Variants in TMEM33 observed in about 807,000 individuals in gnomAD.
TMEM33 encodes transmembrane protein 33.
A neutral mutation model predicts 29.7 loss-of-function variants in TMEM33; 16 were observed. The observed-to-expected ratio is 0.54, with a 90% CI of 0.36 to 0.82. The LOEUF is 0.82. Among genes scored for constraint, TMEM33 ranks in the 40% least tolerant of loss-of-function variants. TMEM33 has a pLI of 0.00. For missense variants in TMEM33, 252 were observed against 295.3 expected (o/e 0.85, Z 1.08); for synonymous variants, 112 against 109.4 (o/e 1.02, Z -0.15).
At chr4:41,949,492 G>A (rs935814018) in intron 6 of TMEM33, 107 bp downstream of exon 6, 132 of 873,954 alleles carry the variant, frequency 1.5e-4, no homozygotes, top group Non-Finnish European at 2.1e-4. Flanking sequence ...GACTTTAGAA[G>A]CAAGCAGTGT....
chr4:41,951,257 G>T (rs1341747858), intron 6 of TMEM33, among the ~76,000 whole-genome samples: 1 of 152,032 alleles, frequency 6.6e-6, no homozygotes, highest in Non-Finnish European at 1.5e-5. Flanking sequence ...TTAGAACTTG[G>T]TTCCTTTTGA....
In TMEM33 at chr4:41,949,373, A is replaced by G; in HGVS notation, c.602A>G (p.Asn201Ser). 2 of 1,609,496 alleles carry G rather than the reference A, an allele frequency of 1.2e-6. No homozygotes were observed. The highest frequency in any genetic ancestry group is 1.7e-6 in the Non-Finnish European group (2 of 1,178,230). Reference sequence around the variant, plus strand: ...ACCCTTCGATATTCGTCTCGAAGAAACCCATATTGTCGGTAAGCTGATGAT... The same window carrying G: ...ACCCTTCGATATTCGTCTCGAAGAAGCCCATATTGTCGGTAAGCTGATGAT... ...FLTLRYSSRR[N>S]PYCRTLFNEL... The change falls in exon 6 of 7, where the codon AAC (asparagine) becomes AGC (serine). Residue 201 changes from asparagine to serine, a missense_variant. By Grantham distance (46) the Asn-to-Ser change is conservative (BLOSUM62 1). Transcript: ENST00000504986.
At chr4:41,937,621 A>C (rs1350134376) in intron 1 of TMEM33, among the ~76,000 whole-genome samples, 2 of 152,218 alleles carry the variant, frequency 1.3e-5, no homozygotes, top group Non-Finnish European at 2.9e-5. Context: ...AATTAAATAG[A>C]AAATGTCAAA....
rs777858612 is a variant in TMEM33, at chr4:41,943,733, A to G, written c.329-14A>G. On this transcript the variant is annotated splice_polypyrimidine_tract_variant and intron_variant, in intron 3 of 6. Coordinates refer to ENST00000504986, the MANE Select transcript of TMEM33 (RefSeq NM_018126.3). ...TGATGACTTTTAAATGTTTTCCTTA[A>G]TTGTTTTCTTTAGTGAGTATCTTCC... 1.5e-5 allele frequency: 24 copies of G among 1,612,452 alleles called. No individual in the cohort carries two copies. The highest frequency in any genetic ancestry group is 2.7e-5 in the African/African-American group (2 of 74,858).
intron 1 of TMEM33, among the ~76,000 whole-genome samples, chr4:41,937,552 G>A (rs962936694): frequency 5.3e-5 from 8 of 151,892 alleles, no homozygotes; most frequent in South Asian, 2.1e-4. Flanking sequence ...TTAGACTTCA[G>A]GTAGACCCAT....
Position 41,954,980 on chromosome 4 carries a change from A to G in TMEM33, c.*781A>G, listed in dbSNP as rs1169459366. The G allele has an allele frequency of 1.3e-5, 2 of 152,642 alleles. No individual in the cohort carries two copies. The highest frequency in any genetic ancestry group is 2.9e-5 in the Non-Finnish European group (2 of 68,038). 9.5% of individuals were successfully genotyped at this position (152,642 alleles called of 1,614,324 possible). On this transcript the variant is annotated 3_prime_UTR_variant, in exon 7 of 7. Coordinates refer to ENST00000504986, the MANE Select transcript of TMEM33 (RefSeq NM_018126.3). ...CCTTCTTTTACTAATGTGGACATAT[A>G]GATTATTCGTATTATAGTTTGTAGA...
In TMEM33 at chr4:41,940,046, C is replaced by CCTTTTTTTTTTTTT. The variant is rs1553910603; in HGVS notation, c.328+663_328+664insCTTTTTTTTTTTTT. On this transcript the variant is annotated intron_variant, in intron 3 of 6. Coordinates refer to ENST00000504986, the MANE Select transcript of TMEM33 (RefSeq NM_018126.3). ...TATAGTGAACACTAGGTTAAACTTTCTTTTTTTTTTTTTTTTTTTTTTTTG... is the reference window on the plus strand; with the variant it reads ...TATAGTGAACACTAGGTTAAACTTTCCTTTTTTTTTTTTTTTTTTTTTTTTTTTTTTTTTTTTTG... Among the ~76,000 whole-genome samples the CCTTTTTTTTTTTTT allele has an allele frequency of 2.6e-4, 21 of 81,360 alleles. 2 individuals carry two copies. The highest frequency in any genetic ancestry group is 6.7e-4 in the African/African-American group (12 of 17,904). 53.4% of individuals were successfully genotyped at this position (81,360 alleles called of 152,430 possible). A position where few individuals can be genotyped will look rare whatever the true frequency, so the allele number is the denominator to read the frequency against.
intron 4 of TMEM33, among the ~76,000 whole-genome samples, 181 bp from the exon 5 acceptor site, chr4:41,944,612 G>GT (rs1712696277): frequency 6.6e-6 from 1 of 152,128 alleles, no homozygotes; most frequent in South Asian, 2.1e-4. Context: ...GTCTAAAAAT[G>GT]TAAAAAAGCA....
rs1713399340 is a variant in TMEM33 at position 41,959,541 on chromosome 4, G to T, written c.*5342G>T. 1 of 152,154 alleles carries T rather than the reference G, an allele frequency of 6.6e-6. No homozygotes were observed. Among genetic ancestry groups the T allele is most frequent in the African/African-American group, 2.4e-5 (1 of 41,438 alleles). The allele number at this position is 152,154 out of a possible 1,614,324, so 9.4% of individuals were successfully genotyped here. On this transcript the variant is annotated 3_prime_UTR_variant, in exon 7 of 7. Coordinates refer to ENST00000504986, the MANE Select transcript of TMEM33 (RefSeq NM_018126.3). Reference sequence around the variant, plus strand: ...TATTCCATGAGAAAGAGTGGCCTAAGAATTATTTCATGTTACCTAGCCTTC... The same window carrying T: ...TATTCCATGAGAAAGAGTGGCCTAATAATTATTTCATGTTACCTAGCCTTC...
chr4:41,947,866 T>C (rs954493235), intron 5 of TMEM33, among the ~76,000 whole-genome samples: 45 of 152,224 alleles, frequency 3.0e-4, no homozygotes, highest in Non-Finnish European at 5.0e-4. Context: ...ATCTTACACA[T>C]GCGTTGCACA....
At position 41,949,384 on chromosome 4, in the gene TMEM33, C is replaced by T. The variant is rs767276854; in HGVS notation, c.613C>T (p.Arg205Trp). Residue 205 changes from arginine to tryptophan, a missense_variant and splice_region_variant, in exon 6 of 7, where the codon CGG (arginine) becomes TGG (tryptophan). By Grantham distance (101) the Arg-to-Trp change is moderately radical. Coordinates refer to ENST00000504986, the MANE Select transcript of TMEM33 (RefSeq NM_018126.3). ...RYSSRRNPYC[R>W]TLFNELRIVV... ...TTCGTCTCGAAGAAACCCATATTGTCGGTAAGCTGATGATTATTTTAGGCA... is the reference window on the plus strand; with the variant it reads ...TTCGTCTCGAAGAAACCCATATTGTTGGTAAGCTGATGATTATTTTAGGCA... The T allele has an allele frequency of 8.7e-6, 14 of 1,605,100 alleles. No individual in the cohort carries two copies. Among genetic ancestry groups the T allele is most frequent in the Non-Finnish European group, 1.1e-5 (13 of 1,175,172 alleles).
chr4:41,946,203 A>G (rs1174774572), intron 5 of TMEM33, among the ~76,000 whole-genome samples: 1 of 151,662 alleles, frequency 6.6e-6, no homozygotes, highest in African/African-American at 2.4e-5. Context: ...ACTTAATGCC[A>G]GTGTTTTCTT....
chr4:41,936,498 G>T (rs959341368), intron 1 of TMEM33, among the ~76,000 whole-genome samples: 1 of 152,164 alleles, frequency 6.6e-6, no homozygotes, highest in Non-Finnish European at 1.5e-5. Context: ...AGCCAAGATC[G>T]CGCCACTGCA....
Position 41,959,732 on chromosome 4 carries a change from C to G in TMEM33, c.*5533C>G, listed in dbSNP as rs998463051. On this transcript the variant is annotated 3_prime_UTR_variant, in exon 7 of 7. Transcript: ENST00000504986. Reference sequence around the variant, plus strand: ...ATATATTTTTAAGTTGAGACCAAATCGGTGAAGTGTTGAGCAAGTAACATT... The same window carrying G: ...ATATATTTTTAAGTTGAGACCAAATGGGTGAAGTGTTGAGCAAGTAACATT... 6.6e-6 allele frequency: 1 copy of G among 152,006 alleles called. No individual in the cohort carries two copies. Among genetic ancestry groups the G allele is most frequent in the Admixed American group, 6.6e-5 (1 of 15,260 alleles). 9.4% of individuals were successfully genotyped at this position (152,006 alleles called of 1,614,324 possible).
Position 41,956,519 on chromosome 4 carries a change from G to C in TMEM33, c.*2320G>C, listed in dbSNP as rs1280966633. The C allele has an allele frequency of 6.6e-6, 1 of 151,280 alleles. No homozygotes were observed. Among genetic ancestry groups the C allele is most frequent in the African/African-American group, 2.4e-5 (1 of 41,192 alleles). 9.4% of individuals were successfully genotyped at this position (151,280 alleles called of 1,614,324 possible). On this transcript the variant is annotated 3_prime_UTR_variant, in exon 7 of 7. Coordinates refer to ENST00000504986, the MANE Select transcript of TMEM33 (RefSeq NM_018126.3). ...CCATGATTTTTTTAAAATCATGATT[G>C]TCTTTTAAAGATCTGTGTGTCTCTG...
At chr4:41,946,847 T>C (rs567426845) in intron 5 of TMEM33, among the ~76,000 whole-genome samples, 8 of 152,310 alleles carry the variant, frequency 5.3e-5, no homozygotes, top group Non-Finnish European at 1.0e-4. Context: ...CCTTTTGTTA[T>C]TCATTTTTCT....
chr4:41,941,882 T>C (rs941125749), intron 3 of TMEM33, among the ~76,000 whole-genome samples: 2 of 152,220 alleles, frequency 1.3e-5, no homozygotes, highest in Non-Finnish European at 2.9e-5. Flanking sequence ...CTAAATACAT[T>C]GTATTAATAG....
Position 41,955,640 on chromosome 4 carries a change from A to G in TMEM33, c.*1441A>G, listed in dbSNP as rs141180492. ...AAAAATTATACTTGATAGCTTAACTATAATCAGCTATTTTTGTATTTTTGT... is the reference window on the plus strand; with the variant it reads ...AAAAATTATACTTGATAGCTTAACTGTAATCAGCTATTTTTGTATTTTTGT... On this transcript the variant is annotated 3_prime_UTR_variant, in exon 7 of 7. Transcript: ENST00000504986. The G allele has an allele frequency of 3.0e-3, 461 of 152,718 alleles. 2 individuals carry two copies. The highest frequency in any genetic ancestry group is 4.5e-3 in the Non-Finnish European group (308 of 68,026). 9.5% of individuals were successfully genotyped at this position (152,718 alleles called of 1,614,324 possible). A position where few individuals can be genotyped will look rare whatever the true frequency, so the allele number is the denominator to read the frequency against.
chr4:41,945,897 G>A (rs1712761073), intron 5 of TMEM33, among the ~76,000 whole-genome samples: 1 of 150,768 alleles, frequency 6.6e-6, no homozygotes, highest in African/African-American at 2.4e-5. Context: ...TTTGAATCTG[G>A]GAGGTGGAAG....
Sources: allele counts gnomAD v4.1 joint callset (sites outside exome capture counted in the v4.1 genomes callset), GRCh38; gene constraint gnomAD v4.1.1; transcripts MANE v1.5; gene names NCBI Gene and HGNC (gene_info 2026-07-23, HGNC 2026-07-21).